ARHGEF38: variants seen among roughly 807,000 people sequenced by gnomAD.
ARHGEF38 encodes the protein Rho guanine nucleotide exchange factor (GEF) 38.
In ARHGEF38, 79 loss-of-function variants were observed where a neutral mutation model predicts 79.9. That is an observed-to-expected ratio of 0.99 (90% CI 0.82 to 1.19). The LOEUF (loss-of-function observed/expected upper bound fraction) is 1.19, where lower values mean the gene tolerates loss of function less well. Among genes scored for constraint, ARHGEF38 ranks in the 50% most tolerant of loss-of-function variants. The pLI, the probability that ARHGEF38 is intolerant of heterozygous loss-of-function variation, is 0.00. For missense variants in ARHGEF38, 962 were observed against 907.2 expected (o/e 1.06, Z -0.78); for synonymous variants, 366 against 328.3 (o/e 1.11, Z -1.24).
At chr4:105,671,230 T>C (rs1007551284) in intron 13 of ARHGEF38, among the ~76,000 whole-genome samples, 1 of 152,230 alleles carries the variant, frequency 6.6e-6, no homozygotes, top group Non-Finnish European at 1.5e-5. Context: ...AGATGCATCT[T>C]GGATCGGTAG....
rs570974507 is a variant in ARHGEF38, at chr4:105,649,134, T to C, written c.1008+452T>C. Among the ~76,000 whole-genome samples the C allele has an allele frequency of 1.8e-4, 28 of 152,212 alleles. No homozygotes were observed. In the South Asian group the frequency reaches 2.3e-3, roughly 12 times the overall value. On this transcript the variant is annotated intron_variant, in intron 7 of 13. Transcript: ENST00000420470. ...CTTTATTTCATCTTTATAAACAAAGTGTTTAGAGGCATAACTTAGTGCAAT... is the reference window on the plus strand; with the variant it reads ...CTTTATTTCATCTTTATAAACAAAGCGTTTAGAGGCATAACTTAGTGCAAT...
chr4:105,561,631 G>A (rs550313466), intron 1 of ARHGEF38: 11 of 152,098 alleles, frequency 7.2e-5, no homozygotes, highest in African/African-American at 2.7e-4. Context: ...CTGACCATCC[G>A]ACCTAAAGTG....
chr4:105,656,818 G>A (rs773324450), intron 9 of ARHGEF38, among the ~76,000 whole-genome samples: 4 of 152,076 alleles, frequency 2.6e-5, no homozygotes, highest in Admixed American at 1.3e-4. Context: ...AACCAGTGAA[G>A]AGCCTCACAT....
Position 105,667,166 on chromosome 4 carries a change from A to G in ARHGEF38, c.1727A>G (p.Lys576Arg), listed in dbSNP as rs1270721265. 1.3e-6 allele frequency: 2 copies of G among 1,535,240 alleles called. No homozygotes were observed. Among genetic ancestry groups the G allele is most frequent in the South Asian group, 1.2e-5 (1 of 83,724 alleles). ...MPHQTDIHRS[K>R]LLSTYSAEEL... ...CATCAAACTGACATTCATCGCTCCAAACTTCTATCCACATATAGTGCAGAG... is the reference window on the plus strand; with the variant it reads ...CATCAAACTGACATTCATCGCTCCAGACTTCTATCCACATATAGTGCAGAG... Residue 576 changes from lysine to arginine, a missense_variant, in exon 12 of 14, where the codon AAA (lysine) becomes AGA (arginine). Lys to Arg is a conservative substitution (Grantham distance 26). Coordinates refer to ENST00000420470, the MANE Select transcript of ARHGEF38 (RefSeq NM_001242729.2).
chr4:105,624,459 T>G (rs1728862500), intron 3 of ARHGEF38, among the ~76,000 whole-genome samples: 1 of 152,212 alleles, frequency 6.6e-6, no homozygotes, highest in Admixed American at 6.5e-5. Context: ...TTTAATCCCA[T>G]GGCTGCATGT....
At chr4:105,643,757 A>G (rs950394723) in intron 5 of ARHGEF38, among the ~76,000 whole-genome samples, 2 of 152,082 alleles carry the variant, frequency 1.3e-5, no homozygotes, top group African/African-American at 4.8e-5. Flanking sequence ...TATGTTTGTG[A>G]ATGTATGTGC....
intron 13 of ARHGEF38, among the ~76,000 whole-genome samples, chr4:105,668,102 T>C (rs1730820090): frequency 6.6e-6 from 1 of 152,184 alleles, no homozygotes; most frequent in Middle Eastern, 3.2e-3. Flanking sequence ...TCTAAGAGCA[T>C]AATCTTCATT....
intron 1 of ARHGEF38, among the ~76,000 whole-genome samples, chr4:105,573,304 A>G (rs553635719): frequency 6.6e-6 from 1 of 152,298 alleles, no homozygotes; most frequent in African/African-American, 2.4e-5. Flanking sequence ...CATATCCAAG[A>G]AATTACTGCC....
chr4:105,575,701 G>A (rs1726462132), intron 1 of ARHGEF38, among the ~76,000 whole-genome samples: 2 of 152,078 alleles, frequency 1.3e-5, no homozygotes, highest in South Asian at 4.2e-4. Flanking sequence ...TGCTTTTAGG[G>A]TTTTAGTCAT....
At chr4:105,593,203 A>T (rs1177459050) in intron 2 of ARHGEF38, among the ~76,000 whole-genome samples, 1 of 152,094 alleles carries the variant, frequency 6.6e-6, no homozygotes, top group Non-Finnish European at 1.5e-5. Flanking sequence ...ATTTATCAAA[A>T]ATCTGTCCCT....
At chr4:105,619,843 A>G (rs1728667766) in intron 3 of ARHGEF38, among the ~76,000 whole-genome samples, 1 of 152,210 alleles carries the variant, frequency 6.6e-6, no homozygotes, top group Non-Finnish European at 1.5e-5. Flanking sequence ...AAGCACTTTC[A>G]TTCCATAAGA....
At chr4:105,660,486 T>C (rs1045269964) in intron 10 of ARHGEF38, among the ~76,000 whole-genome samples, 4 of 151,684 alleles carry the variant, frequency 2.6e-5, no homozygotes, top group African/African-American at 9.7e-5. Flanking sequence ...GTTGCCCAGG[T>C]TGGAGTGCAA....
chr4:105,589,471 T>C (rs1727220187), intron 2 of ARHGEF38, 36 bp downstream of exon 2: 1 of 1,556,152 alleles, frequency 6.4e-7, no homozygotes, highest in Non-Finnish European at 8.7e-7. Flanking sequence ...TTCTCTCCCA[T>C]ATCATAAATA....
chr4:105,584,922 T>C (rs1419748131), intron 1 of ARHGEF38, among the ~76,000 whole-genome samples: 1 of 152,150 alleles, frequency 6.6e-6, no homozygotes, highest in Non-Finnish European at 1.5e-5. Context: ...CTCTAAGAGA[T>C]CGAGGTTCTC....
intron 1 of ARHGEF38, among the ~76,000 whole-genome samples, chr4:105,571,030 G>A (rs1441034840): frequency 6.6e-6 from 1 of 152,154 alleles, no homozygotes; most frequent in Non-Finnish European, 1.5e-5. Context: ...AGGAAGAAAT[G>A]CATAAGTATT....
At chr4:105,675,412 G>A (rs1045018308) in intron 13 of ARHGEF38, among the ~76,000 whole-genome samples, 1 of 152,036 alleles carries the variant, frequency 6.6e-6, no homozygotes, top group Non-Finnish European at 1.5e-5. Context: ...AGAATTTATA[G>A]TACTTTTAAT....
chr4:105,679,771 A>T lies in ARHGEF38; in HGVS notation c.*1834A>T. The T allele has an allele frequency of 1.0e-6, 1 of 959,104 alleles. No individual in the cohort carries two copies. The highest frequency in any genetic ancestry group is 1.7e-6 in the Non-Finnish European group (1 of 590,786). 59.4% of individuals were successfully genotyped at this position (959,104 alleles called of 1,614,324 possible). On this transcript the variant is annotated 3_prime_UTR_variant, in exon 14 of 14. Coordinates refer to ENST00000420470, the MANE Select transcript of ARHGEF38 (RefSeq NM_001242729.2). ...TTTCTCTTGGTTGATAAAAACATAT[A>T]CAAACCCCTGTCTGTCCAGCTTTAC...
At chr4:105,622,554 C>T (rs748845468) in intron 3 of ARHGEF38, among the ~76,000 whole-genome samples, 99 of 152,116 alleles carry the variant, frequency 6.5e-4, no homozygotes, top group Non-Finnish European at 1.2e-3. Context: ...AGTTTGCCTT[C>T]CTGTAATAAA....
At chr4:105,608,698 C>CT (rs1027235373) in intron 2 of ARHGEF38, among the ~76,000 whole-genome samples, 12 of 150,566 alleles carry the variant, frequency 8.0e-5, no homozygotes, top group East Asian at 3.9e-4. Flanking sequence ...TATCTTCTTT[C>CT]TTTTTTTTTA....
Sources: allele counts gnomAD v4.1 joint callset (sites outside exome capture counted in the v4.1 genomes callset), GRCh38; gene constraint gnomAD v4.1.1; transcripts MANE v1.5; gene names NCBI Gene and HGNC (gene_info 2026-07-23, HGNC 2026-07-21).